The following PPP2R2B variants were observed in gnomAD, a reference collection of about 807,000 sequenced individuals.
PPP2R2B encodes the protein serine/threonine-protein phosphatase 2A 55 kDa regulatory subunit B beta isoform.
A neutral mutation model predicts 46.0 loss-of-function variants in PPP2R2B; 5 were observed. The ratio of observed to expected loss-of-function variants is 0.11; its 90% CI spans 0.06 to 0.23. PPP2R2B has a LOEUF of 0.23. PPP2R2B is among the 10% of genes least tolerant of loss of function. The pLI is 1.00. For synonymous variants in PPP2R2B, 215 were observed against 206.7 expected (o/e 1.04, Z -0.34); for missense variants, 367 against 575.0 (o/e 0.64, Z 3.70).
intron 1 of PPP2R2B, among the ~76,000 whole-genome samples, chr5:146,977,433 TA>T (rs1421832111): frequency 6.6e-6 from 1 of 152,098 alleles, no homozygotes; most frequent in African/African-American, 2.4e-5. Context: ...CATGAAGGTT[TA>T]TTACGTAGGT....
intron 2 of PPP2R2B, among the ~76,000 whole-genome samples, chr5:147,066,640 A>G (rs536044260): frequency 2.6e-5 from 4 of 152,204 alleles, no homozygotes; most frequent in Non-Finnish European, 4.4e-5. Flanking sequence ...TTTTAAGTTT[A>G]TCAACTTTTC....
intron 2 of PPP2R2B, among the ~76,000 whole-genome samples, chr5:146,812,394 G>A (rs1179173883): frequency 7.0e-6 from 1 of 143,634 alleles, no homozygotes; most frequent in African/African-American, 2.6e-5. Context: ...TGGGCAAGTT[G>A]TCTTCTCTGA....
chr5:146,775,991 G>T (rs1182151759), intron 2 of PPP2R2B, among the ~76,000 whole-genome samples: 1 of 152,038 alleles, frequency 6.6e-6, no homozygotes, highest in Non-Finnish European at 1.5e-5. Context: ...AAAATAAATG[G>T]AAACACATTC....
At chr5:146,933,839 A>G (rs1216676450) in intron 1 of PPP2R2B, among the ~76,000 whole-genome samples, 1 of 62,484 alleles carries the variant, frequency 1.6e-5, no homozygotes. Context: ...CCCTCCCCCC[A>G]CCCCACAACA....
intron 5 of PPP2R2B, among the ~76,000 whole-genome samples, chr5:146,666,854 T>C (rs1777009728): frequency 6.6e-6 from 1 of 152,218 alleles, no homozygotes; most frequent in South Asian, 2.1e-4. Flanking sequence ...GTCCATATCA[T>C]GTCATCAAGT....
chr5:147,020,261 A>G (rs978870811), intron 1 of PPP2R2B, among the ~76,000 whole-genome samples: 72 of 152,024 alleles, frequency 4.7e-4, no homozygotes, highest in African/African-American at 1.6e-3. Flanking sequence ...GTACCCTCAG[A>G]GTTCCTTGTA....
chr5:147,076,166 G>T lies in PPP2R2B; in HGVS notation c.50+4893C>A, dbSNP rs1437101056. Reference sequence around the variant, plus strand: ...AAATGTAAAGATTTTACTATTAGGTGTTCATAACAATGTTATAAATATTGA... The same window carrying T: ...AAATGTAAAGATTTTACTATTAGGTTTTCATAACAATGTTATAAATATTGA... On this transcript the variant is annotated intron_variant, in intron 2 of 10. Coordinates refer to the PPP2R2B transcript ENST00000394413. Among the ~76,000 whole-genome samples, 6 of 152,196 alleles carry T rather than the reference G, an allele frequency of 3.9e-5. No homozygotes were observed. The South Asian group carries it at 1.0e-3, about 26-fold the overall frequency.
At chr5:146,707,515 A>C in intron 2 of PPP2R2B, 1 of 733,508 alleles carries the variant, frequency 1.4e-6, no homozygotes, top group South Asian at 1.4e-5. Flanking sequence ...TGCAGACACC[A>C]GGCCCACTCG....
At chr5:146,804,519 A>C (rs2151309427) in intron 2 of PPP2R2B, among the ~76,000 whole-genome samples, 1 of 152,260 alleles carries the variant, frequency 6.6e-6, no homozygotes, top group Middle Eastern at 3.4e-3. Flanking sequence ...TTCAATAACA[A>C]CATAAACACC....
At chr5:146,860,583 A>C (rs976968141) in intron 2 of PPP2R2B, among the ~76,000 whole-genome samples, 1 of 152,138 alleles carries the variant, frequency 6.6e-6, no homozygotes, top group African/African-American at 2.4e-5. Flanking sequence ...CCATATGCAG[A>C]CCTCTCCAGT....
chr5:147,054,389 GACTT>G (rs761686386), intron 1 of PPP2R2B, among the ~76,000 whole-genome samples: 1 of 151,970 alleles, frequency 6.6e-6, no homozygotes, highest in Non-Finnish European at 1.5e-5. Flanking sequence ...TATGGATAAG[GACTT>G]ACTAAGTTTT....
chr5:146,807,739 C>T (rs534404495), intron 2 of PPP2R2B, among the ~76,000 whole-genome samples: 2 of 146,310 alleles, frequency 1.4e-5, no homozygotes, highest in African/African-American at 2.5e-5. Flanking sequence ...GGGATATGCC[C>T]TCTCCAACTC....
intron 6 of PPP2R2B, among the ~76,000 whole-genome samples, chr5:146,645,062 C>G (rs1172554865): frequency 6.6e-6 from 1 of 152,162 alleles, no homozygotes; most frequent in Non-Finnish European, 1.5e-5. Flanking sequence ...GGTAAAGTAC[C>G]CACATTCAAA....
chr5:146,695,161 G>T (rs150876269), intron 4 of PPP2R2B, among the ~76,000 whole-genome samples: 76 of 152,174 alleles, frequency 5.0e-4, no homozygotes, highest in African/African-American at 1.7e-3. Context: ...AAAAGAGTTT[G>T]CAGAATATAT....
chr5:146,708,924 G>A (rs58108762), intron 2 of PPP2R2B, among the ~76,000 whole-genome samples: 43,210 of 152,000 alleles, frequency 0.28, 7,675 homozygotes, highest in African/African-American at 0.5. Flanking sequence ...ATTCAGTAGC[G>A]TTACCTTCTT....
chr5:146,898,461 AC>A (rs1312821949), intron 1 of PPP2R2B, among the ~76,000 whole-genome samples: 1 of 152,158 alleles, frequency 6.6e-6, no homozygotes, highest in Non-Finnish European at 1.5e-5. Flanking sequence ...TACACCTTAT[AC>A]AAAAATTAAT....
At chr5:147,014,829 A>G (rs186288523) in intron 1 of PPP2R2B, among the ~76,000 whole-genome samples, 1,794 of 152,236 alleles carry the variant, frequency 0.012, 26 homozygotes, top group Non-Finnish European at 0.018. Flanking sequence ...GCACATGTAT[A>G]CATATGTAAC....
At chr5:147,029,231 G>T (rs774323441) in intron 1 of PPP2R2B, among the ~76,000 whole-genome samples, 1 of 151,890 alleles carries the variant, frequency 6.6e-6, no homozygotes, top group Non-Finnish European at 1.5e-5. Flanking sequence ...CCTACCTAAG[G>T]TTGTCAATAT....
At chr5:146,636,380 A>G (rs1774823117) in intron 7 of PPP2R2B, among the ~76,000 whole-genome samples, 1 of 152,250 alleles carries the variant, frequency 6.6e-6, no homozygotes, top group Admixed American at 6.5e-5. Context: ...TTATTAAATT[A>G]AAGTGAAAAT....
Sources: gnomAD v4.1 joint callset for allele counts (sites outside exome capture counted in the v4.1 genomes callset) on GRCh38, gnomAD v4.1.1 for gene constraint, MANE v1.5 for transcripts, NCBI Gene and HGNC (gene_info 2026-07-23, HGNC 2026-07-21) for gene names.